Variants in LRRC7 observed in about 807,000 individuals in gnomAD.
LRRC7 encodes leucine rich repeat containing 7.
Under a neutral mutation model 175.7 loss-of-function variants are expected in LRRC7, and 23 were observed. The observed-to-expected ratio is 0.13, with a 90% CI of 0.09 to 0.19. LRRC7 has a LOEUF of 0.19. Among genes scored for constraint, LRRC7 ranks in the 10% least tolerant of loss-of-function variants. The pLI, the probability that LRRC7 is intolerant of heterozygous loss-of-function variation, is 1.00. For synonymous variants in LRRC7, 685 were observed against 680.9 expected (o/e 1.01, Z -0.09); for missense variants, 1,354 against 1,904.7 (o/e 0.71, Z 5.38).
chr1:69,935,606 C>A (rs1008268018), intron 8 of LRRC7, among the ~76,000 whole-genome samples: 1 of 151,990 alleles, frequency 6.6e-6, no homozygotes, highest in African/African-American at 2.4e-5. Flanking sequence ...ATGTTTGTGG[C>A]AATTTGTGTT....
intron 2 of LRRC7, among the ~76,000 whole-genome samples, chr1:69,730,547 T>C (rs1231477755): frequency 6.6e-6 from 1 of 152,176 alleles, no homozygotes; most frequent in Admixed American, 6.5e-5. Context: ...CACCTCATCC[T>C]GCACTTTATT....
At chr1:69,916,684 C>G (rs1187866316) in intron 7 of LRRC7, among the ~76,000 whole-genome samples, 3 of 152,038 alleles carry the variant, frequency 2.0e-5, no homozygotes, top group Non-Finnish European at 4.4e-5. Flanking sequence ...CAGCTTCTTA[C>G]TGGTAAAGAA....
intron 8 of LRRC7, among the ~76,000 whole-genome samples, chr1:69,948,114 C>G (rs1649537354): frequency 6.6e-6 from 1 of 152,080 alleles, no homozygotes. Flanking sequence ...AGATTTCATC[C>G]TGCTACTCAG....
At chr1:69,716,171 C>T in intron 2 of LRRC7, 1 of 451,680 alleles carries the variant, frequency 2.2e-6, no homozygotes. Context: ...AAATGCAAGT[C>T]AAAGTGGTCA....
intron 2 of LRRC7, among the ~76,000 whole-genome samples, chr1:69,747,661 T>G (rs534572342): frequency 6.6e-6 from 1 of 152,286 alleles, no homozygotes; most frequent in South Asian, 2.1e-4. Flanking sequence ...ACAATTACAT[T>G]TCATTTCAGG....
At chr1:69,766,135 T>C (rs1671601035) in intron 3 of LRRC7, among the ~76,000 whole-genome samples, 1 of 152,040 alleles carries the variant, frequency 6.6e-6, no homozygotes, top group Non-Finnish European at 1.5e-5. Context: ...CTGCTGGAAC[T>C]TGCCCAGAAG....
chr1:69,880,038 G>A (rs573040219), intron 7 of LRRC7: 6 of 152,168 alleles, frequency 3.9e-5, no homozygotes, highest in Non-Finnish European at 7.3e-5. Context: ...ATACGAATGT[G>A]TTTTAATTAC....
intron 2 of LRRC7, among the ~76,000 whole-genome samples, chr1:69,746,118 C>T (rs1195194759): frequency 1.3e-5 from 2 of 151,660 alleles, no homozygotes; most frequent in Non-Finnish European, 2.9e-5. Context: ...TATTTTTATC[C>T]TCTCTCAAAA....
chr1:69,580,499 C>G (rs1316538886), intron 1 of LRRC7, among the ~76,000 whole-genome samples: 1 of 152,110 alleles, frequency 6.6e-6, no homozygotes, highest in Non-Finnish European at 1.5e-5. Context: ...AACTAAGCTA[C>G]TGTTCTTGCA....
chr1:70,066,653 C>T (rs962462876), intron 23 of LRRC7, among the ~76,000 whole-genome samples: 2 of 152,002 alleles, frequency 1.3e-5, no homozygotes, highest in African/African-American at 4.8e-5. Context: ...GGGTTATTTT[C>T]CATCTATGGC....
intron 8 of LRRC7, among the ~76,000 whole-genome samples, chr1:69,966,513 A>G (rs1350108418): frequency 6.6e-6 from 1 of 152,240 alleles, no homozygotes; most frequent in Non-Finnish European, 1.5e-5. Context: ...AAATTCTATC[A>G]TCCAAATTGG....
intron 1 of LRRC7, among the ~76,000 whole-genome samples, chr1:69,577,280 T>C (rs1645993679): frequency 6.6e-6 from 1 of 152,206 alleles, no homozygotes; most frequent in African/African-American, 2.4e-5. Flanking sequence ...CTTCCCCCTC[T>C]TCCCTAGTAG....
chr1:70,119,262 C>T (rs908473749), intron 26 of LRRC7, among the ~76,000 whole-genome samples: 3 of 152,052 alleles, frequency 2.0e-5, no homozygotes, highest in African/African-American at 7.2e-5. Context: ...GAGAAGATGT[C>T]CCTCTCTTCT....
At chr1:70,068,649 C>T (rs58382572) in intron 23 of LRRC7, among the ~76,000 whole-genome samples, 23,320 of 151,634 alleles carry the variant, frequency 0.15, 2,855 homozygotes, top group African/African-American at 0.33. Context: ...GGGTAATATT[C>T]GTTTCATAAA....
intron 2 of LRRC7, among the ~76,000 whole-genome samples, chr1:69,722,138 CATATAT>C (rs36076590): frequency 6.6e-6 from 1 of 150,656 alleles, no homozygotes; most frequent in African/African-American, 2.4e-5. Flanking sequence ...CCTATGTACA[CATATAT>C]ATATATATAT....
intron 9 of LRRC7, among the ~76,000 whole-genome samples, chr1:69,984,060 G>T (rs1362155150): frequency 6.6e-6 from 1 of 152,046 alleles, no homozygotes; most frequent in Non-Finnish European, 1.5e-5. Flanking sequence ...TGAGTAGCTG[G>T]TATTACAGGT....
At chr1:69,705,116 C>G (rs1037759836) in intron 2 of LRRC7, among the ~76,000 whole-genome samples, 11 of 152,130 alleles carry the variant, frequency 7.2e-5, no homozygotes, top group Non-Finnish European at 1.6e-4. Context: ...GACACTGTTA[C>G]CCACTTCTTC....
At chr1:69,928,830 G>T (rs1024220766) in intron 7 of LRRC7, among the ~76,000 whole-genome samples, 5 of 152,216 alleles carry the variant, frequency 3.3e-5, no homozygotes, top group African/African-American at 1.2e-4. Context: ...TGCCCCCACT[G>T]TCTGGCACTC....
chr1:69,614,898 C>T (rs1649375204), intron 1 of LRRC7, among the ~76,000 whole-genome samples: 1 of 152,024 alleles, frequency 6.6e-6, no homozygotes, highest in African/African-American at 2.4e-5. Flanking sequence ...CTCAGTGTGA[C>T]ATATAGATAC....
Sources: allele counts gnomAD v4.1 joint callset (sites outside exome capture counted in the v4.1 genomes callset), GRCh38; gene constraint gnomAD v4.1.1; transcripts MANE v1.5; gene names NCBI Gene and HGNC (gene_info 2026-07-23, HGNC 2026-07-21).